The following COLQ variants were observed in gnomAD, a reference collection of about 807,000 sequenced individuals.
COLQ encodes collagen like tail subunit of asymmetric acetylcholinesterase.
A neutral mutation model predicts 69.0 loss-of-function variants in COLQ; 48 were observed. That is an observed-to-expected ratio of 0.70 (90% CI 0.55 to 0.88). COLQ has a LOEUF of 0.88. Among genes scored for constraint, COLQ ranks in the 40% least tolerant of loss-of-function variants. The probability of loss-of-function intolerance (pLI) is 0.00; values close to 1 mark genes in which losing one functional copy is unlikely to be tolerated. For synonymous variants in COLQ, 217 were observed against 211.2 expected (o/e 1.03, Z -0.24); for missense variants, 618 against 594.6 (o/e 1.04, Z -0.41).
intron 1 of COLQ, among the ~76,000 whole-genome samples, chr3:15,518,649 T>C (rs1028208228): frequency 2.0e-4 from 31 of 152,224 alleles, no homozygotes; most frequent in African/African-American, 6.8e-4. Context: ...TAGTCTTTCT[T>C]GAAGACAGTG....
At chr3:15,509,784 C>T (rs893141475) in intron 1 of COLQ, among the ~76,000 whole-genome samples, 11 of 152,206 alleles carry the variant, frequency 7.2e-5, no homozygotes, top group Non-Finnish European at 1.3e-4. Flanking sequence ...CCCAGACCTC[C>T]GGTTCCATAG....
Position 15,451,661 on chromosome 3 carries a change from A to T in COLQ, c.1351T>A (p.Cys451Ser). 1 of 1,614,210 alleles carries T rather than the reference A, an allele frequency of 6.2e-7. No individual in the cohort carries two copies. Among genetic ancestry groups the T allele is most frequent in the Non-Finnish European group, 8.5e-7 (1 of 1,180,032 alleles). ...TQYCYIDSTP[C>S]RYFT ...CACGGCCCTCAGGTGAAGTAGCGGC[A>T]GGGCGTGGAGTCGATGTAGCAGTAC... Residue 451 changes from cysteine (C) to serine (S), a missense_variant, in exon 17 of 17, where the codon TGC becomes AGC. Coordinates refer to ENST00000383788, the MANE Select transcript of COLQ (RefSeq NM_005677.4).
At chr3:15,483,056 A>G (rs948545432) in intron 3 of COLQ, among the ~76,000 whole-genome samples, 4 of 152,148 alleles carry the variant, frequency 2.6e-5, no homozygotes, top group African/African-American at 9.7e-5. Flanking sequence ...CAGTAGTTAT[A>G]TCCCCTTTAT....
intron 1 of COLQ, among the ~76,000 whole-genome samples, chr3:15,508,671 C>T (rs2062942531): frequency 6.6e-6 from 1 of 152,130 alleles, no homozygotes; most frequent in Non-Finnish European, 1.5e-5. Context: ...CAATTCACAT[C>T]CCCTCCTAGG....
At chr3:15,489,706 C>T (rs2062632592) in intron 1 of COLQ, 69 bp from the exon 2 acceptor site, 17 of 1,386,080 alleles carry the variant, frequency 1.2e-5, no homozygotes, top group Non-Finnish European at 1.7e-5. Flanking sequence ...CCACCGTGCC[C>T]AGGGAAGACC....
intron 1 of COLQ, among the ~76,000 whole-genome samples, chr3:15,509,623 G>A (rs975666564): frequency 4.6e-5 from 7 of 152,214 alleles, no homozygotes; most frequent in African/African-American, 1.7e-4. Flanking sequence ...TAATTCCTGA[G>A]TACATATTCT....
At chr3:15,488,408 C>A in intron 2 of COLQ, 101 bp from the exon 3 acceptor site, 1 of 953,318 alleles carries the variant, frequency 1.0e-6, no homozygotes, top group South Asian at 1.4e-5. Flanking sequence ...GTCTCTAAGC[C>A]TGGCAGTTCC....
chr3:15,458,081 G>A lies in COLQ; in HGVS notation c.954+105C>T, dbSNP rs192519352. 7.1e-4 allele frequency: 920 copies of A among 1,290,244 alleles called. 1 individual carries two copies. The highest frequency in any genetic ancestry group is 8.2e-4 in the Non-Finnish European group (731 of 889,024). 79.9% of individuals were successfully genotyped at this position (1,290,244 alleles called of 1,614,324 possible). A position where few individuals can be genotyped will look rare whatever the true frequency, so the allele number is the denominator to read the frequency against. ...CTATAATGAGGGTGTACTCAGAGTC[G>A]TGAAAAAAAGTTAGTTTTACTGAAA... On this transcript the variant is annotated intron_variant, in intron 13 of 16. Transcript: ENST00000383788.
intron 11 of COLQ, among the ~76,000 whole-genome samples, chr3:15,466,657 C>T (rs2062205437): frequency 7.7e-6 from 1 of 129,350 alleles, no homozygotes; most frequent in Non-Finnish European, 1.7e-5. Context: ...TCTTGCTCTA[C>T]AAATGTGGCA....
rs1319999677 is a variant in COLQ at position 15,477,125 on chromosome 3, C to A, written c.465+1G>T. ...GAGCCCTGAGAGCATGCCACACTTA[C>A]CCTGGGTCCTTCAGGGCCTGGCCAA... On this transcript the variant is annotated splice_donor_variant, in intron 6 of 16. Transcript: ENST00000383788. LOFTEE classifies it high-confidence loss of function. 2.5e-6 allele frequency: 4 copies of A among 1,599,806 alleles called. No individual in the cohort carries two copies. In the South Asian group the frequency reaches 4.5e-5, roughly 18 times the overall value.
intron 12 of COLQ, among the ~76,000 whole-genome samples, chr3:15,460,738 T>C (rs569501041): frequency 4.1e-4 from 62 of 152,350 alleles, no homozygotes; most frequent in African/African-American, 1.2e-3. Context: ...AATATAATTC[T>C]GTAGGAAGAG....
chr3:15,516,654 C>T (rs557820407), intron 1 of COLQ, among the ~76,000 whole-genome samples: 2 of 152,292 alleles, frequency 1.3e-5, no homozygotes, highest in South Asian at 2.1e-4. Context: ...CTCCCCACCC[C>T]CAAACACCCT....
Position 15,499,026 on chromosome 3 carries a change from C to A in COLQ, c.107-9389G>T, listed in dbSNP as rs187601407. ...CTGGTAAGCCTCAAAGTCAACCCCC[C>A]ACCGAGACCGTCCAAGGGGAGCCTG... On this transcript the variant is annotated intron_variant, in intron 1 of 16. Transcript: ENST00000383788. 7.2e-4 allele frequency among the ~76,000 whole-genome samples: 109 copies of A among 152,072 alleles called. 3 individuals are homozygous for A. In the East Asian group the frequency reaches 7.4e-3, roughly 10 times the overall value.
chr3:15,521,155 G>GT (rs2063131596), intron 1 of COLQ, among the ~76,000 whole-genome samples: 1 of 152,200 alleles, frequency 6.6e-6, no homozygotes, highest in African/African-American at 2.4e-5. Context: ...GGTCAGAGAT[G>GT]TATTTATAGA....
chr3:15,505,566 T>C (rs1420703547), intron 1 of COLQ, among the ~76,000 whole-genome samples: 1 of 152,196 alleles, frequency 6.6e-6, no homozygotes, highest in African/African-American at 2.4e-5. Context: ...ACAATGCTAT[T>C]AGGAGCCAAG....
rs1016605964 is a variant in COLQ, at chr3:15,473,942, G to A, written c.636+58C>T. ...AAGGAGGCAGAGTTCTTTTTGTTGT[G>A]CTTGGAGGACCTGATATTTTTATTG... On this transcript the variant is annotated intron_variant, in intron 10 of 16. Transcript: ENST00000383788. This position sits in a 1 kb window ranked among gnomAD's most constrained non-coding sequence, Gnocchi z 4.0. 3 of 1,572,632 alleles carry A rather than the reference G, an allele frequency of 1.9e-6. No individual in the cohort carries two copies. In the African/African-American group the frequency reaches 4.1e-5, roughly 21 times the overall value.
intron 16 of COLQ, among the ~76,000 whole-genome samples, chr3:15,452,772 G>A (rs3773462): frequency 0.37 from 55,706 of 151,972 alleles, 10,331 homozygotes; most frequent in East Asian, 0.49. Flanking sequence ...GTCTGGGGGA[G>A]ACTGGGGGAG....
At chr3:15,452,495 G>A (rs12633820) in intron 16 of COLQ, among the ~76,000 whole-genome samples, 53,806 of 152,058 alleles carry the variant, frequency 0.35, 9,793 homozygotes, top group East Asian at 0.49. Context: ...GAGACAGGGC[G>A]TTAAACCTTA....
At chr3:15,452,298 C>T (rs1198479712) in intron 16 of COLQ, among the ~76,000 whole-genome samples, 4 of 152,148 alleles carry the variant, frequency 2.6e-5, no homozygotes, top group Non-Finnish European at 4.4e-5. Context: ...AACTCTGAAC[C>T]TCAGGTGACC....
Sources: gnomAD v4.1 joint callset for allele counts (sites outside exome capture counted in the v4.1 genomes callset) on GRCh38, gnomAD v4.1.1 for gene constraint, Gnocchi (gnomAD v3.1) non-coding constraint, MANE v1.5 for transcripts, NCBI Gene and HGNC (gene_info 2026-07-23, HGNC 2026-07-21) for gene names.